The following PTPRK variants were observed in gnomAD, a reference collection of about 807,000 sequenced individuals.
PTPRK encodes protein tyrosine phosphatase receptor type K, also known as receptor-type tyrosine-protein phosphatase kappa.
A neutral mutation model predicts 178.0 loss-of-function variants in PTPRK; 75 were observed. The ratio of observed to expected loss-of-function variants is 0.42; its 90% CI spans 0.35 to 0.51. The LOEUF (loss-of-function observed/expected upper bound fraction) is 0.51. Ranked by LOEUF, PTPRK falls within the 20% of genes least tolerant of loss-of-function variation. The pLI is 0.02. For missense variants in PTPRK, 1,441 were observed against 1,797.8 expected (o/e 0.80, Z 3.59); for synonymous variants, 637 against 620.6 (o/e 1.03, Z -0.39).
chr6:128,077,492 A>G (rs147939950), intron 11 of PTPRK, among the ~76,000 whole-genome samples: 10 of 151,926 alleles, frequency 6.6e-5, no homozygotes, highest in African/African-American at 2.4e-4. Flanking sequence ...AAGAAAAAAT[A>G]TTTCTTCATT....
chr6:128,232,887 T>G (rs1031790116), intron 5 of PTPRK, among the ~76,000 whole-genome samples: 4 of 152,226 alleles, frequency 2.6e-5, no homozygotes, highest in African/African-American at 9.6e-5. Flanking sequence ...TTTTATTATA[T>G]TGCATTGCAT....
chr6:128,217,606 T>C (rs946222035), intron 6 of PTPRK, among the ~76,000 whole-genome samples: 3 of 152,162 alleles, frequency 2.0e-5, no homozygotes, highest in African/African-American at 7.2e-5. Context: ...AACAAGACAA[T>C]ATTGAATAAT....
chr6:128,384,830 T>A (rs562608941), intron 2 of PTPRK, among the ~76,000 whole-genome samples: 81 of 152,020 alleles, frequency 5.3e-4, no homozygotes, highest in African/African-American at 1.9e-3. Flanking sequence ...TTATCTCTGT[T>A]AAAATAACAA....
chr6:128,139,855 T>G (rs1467928817), intron 7 of PTPRK, among the ~76,000 whole-genome samples: 1 of 149,496 alleles, frequency 6.7e-6, no homozygotes, highest in Non-Finnish European at 1.5e-5. Flanking sequence ...TACTTAACAG[T>G]GCCAAGGTTT....
intron 6 of PTPRK, among the ~76,000 whole-genome samples, chr6:128,211,116 G>A (rs1320419390): frequency 6.6e-6 from 1 of 151,982 alleles, no homozygotes; most frequent in African/African-American, 2.4e-5. Flanking sequence ...ACATCTATAG[G>A]CCATAATTTC....
intron 3 of PTPRK, among the ~76,000 whole-genome samples, chr6:128,301,002 A>G (rs1021779912): frequency 1.3e-5 from 2 of 150,152 alleles, no homozygotes; most frequent in Non-Finnish European, 2.9e-5. Flanking sequence ...TTAGCTGTTC[A>G]TTGTTTGTAA....
chr6:128,017,940 T>C (rs1779803891), intron 13 of PTPRK, among the ~76,000 whole-genome samples: 1 of 150,488 alleles, frequency 6.6e-6, no homozygotes, highest in South Asian at 2.1e-4. Context: ...AGAGGTCCTC[T>C]GAGAACCTAA....
intron 7 of PTPRK, among the ~76,000 whole-genome samples, chr6:128,128,765 G>C (rs558691359): frequency 2.0e-5 from 3 of 152,308 alleles, no homozygotes; most frequent in African/African-American, 4.8e-5. Flanking sequence ...AATAAATCAA[G>C]CTATACACTC....
At chr6:128,371,578 A>G (rs1584404954) in intron 2 of PTPRK, among the ~76,000 whole-genome samples, 1 of 152,314 alleles carries the variant, frequency 6.6e-6, no homozygotes, top group Middle Eastern at 3.4e-3. Context: ...TACTTTGGTT[A>G]AAGAGCCTCC....
At chr6:128,442,820 C>G (rs573614803) in intron 1 of PTPRK, among the ~76,000 whole-genome samples, 8 of 152,190 alleles carry the variant, frequency 5.3e-5, no homozygotes, top group Non-Finnish European at 8.8e-5. Flanking sequence ...ACCGATGGAC[C>G]CCTGCATCTT....
intron 3 of PTPRK, among the ~76,000 whole-genome samples, chr6:128,263,756 C>T (rs542812606): frequency 5.3e-4 from 80 of 152,260 alleles, no homozygotes; most frequent in African/African-American, 1.9e-3. Flanking sequence ...CGCTCTTGCA[C>T]ACCAGTGGTG....
intron 3 of PTPRK, among the ~76,000 whole-genome samples, chr6:128,291,804 C>A (rs935206461): frequency 2.6e-4 from 39 of 152,084 alleles, no homozygotes; most frequent in African/African-American, 8.7e-4. Context: ...TCTTGCTCTG[C>A]CATTTTCTGT....
intron 7 of PTPRK, among the ~76,000 whole-genome samples, chr6:128,117,938 T>G (rs1791824613): frequency 6.6e-6 from 1 of 152,160 alleles, no homozygotes; most frequent in South Asian, 2.1e-4. Flanking sequence ...CTTCAGCCAC[T>G]GTGCCTGGAC....
At chr6:128,172,597 T>C (rs957704140) in intron 7 of PTPRK, among the ~76,000 whole-genome samples, 2 of 151,642 alleles carry the variant, frequency 1.3e-5, no homozygotes, top group African/African-American at 4.8e-5. Flanking sequence ...GATATCAAAG[T>C]AATACTGATA....
At chr6:128,161,442 C>G (rs1798694324) in intron 7 of PTPRK, among the ~76,000 whole-genome samples, 1 of 151,444 alleles carries the variant, frequency 6.6e-6, no homozygotes, top group Non-Finnish European at 1.5e-5. Context: ...TATGTTAATC[C>G]TACCACAGGA....
intron 5 of PTPRK, among the ~76,000 whole-genome samples, chr6:128,237,004 A>G (rs1813406292): frequency 6.6e-6 from 1 of 151,672 alleles, no homozygotes; most frequent in African/African-American, 2.4e-5. Flanking sequence ...AGACAACAAA[A>G]ACGACTGATA....
chr6:128,446,739 G>A (rs1414779683), intron 1 of PTPRK, among the ~76,000 whole-genome samples: 2 of 152,032 alleles, frequency 1.3e-5, no homozygotes, highest in African/African-American at 4.8e-5. Flanking sequence ...CAAGCACTCT[G>A]GGCTACCGCT....
intron 11 of PTPRK, among the ~76,000 whole-genome samples, chr6:128,073,091 A>T (rs1406261298): frequency 1.3e-5 from 2 of 152,118 alleles, no homozygotes; most frequent in Non-Finnish European, 2.9e-5. Context: ...ATACTGTTAA[A>T]AATAGTTTTT....
At chr6:128,165,237 C>T (rs1481492296) in intron 7 of PTPRK, among the ~76,000 whole-genome samples, 1 of 150,898 alleles carries the variant, frequency 6.6e-6, no homozygotes, top group East Asian at 1.9e-4. Flanking sequence ...CCTTAGTTTC[C>T]AATTTTGTTA....
Sources: gnomAD v4.1 joint callset for allele counts (sites outside exome capture counted in the v4.1 genomes callset) on GRCh38, gnomAD v4.1.1 for gene constraint, MANE v1.5 for transcripts, NCBI Gene and HGNC (gene_info 2026-07-23, HGNC 2026-07-21) for gene names.